The following IL1RAPL1 variants were observed in gnomAD, a reference collection of about 807,000 sequenced individuals.
IL1RAPL1 encodes the protein interleukin 1 receptor accessory protein like 1.
A neutral mutation model predicts 48.4 loss-of-function variants in IL1RAPL1; 3 were observed. That is an observed-to-expected ratio of 0.06 (90% CI 0.03 to 0.16). The LOEUF is 0.16. IL1RAPL1 is among the 10% of genes least tolerant of loss of function. The pLI is 1.00. For synonymous variants in IL1RAPL1, 185 were observed against 187.7 expected (o/e 0.99, Z 0.12); for missense variants, 349 against 530.6 (o/e 0.66, Z 3.36).
In IL1RAPL1 at chrX:28,773,183, C is replaced by A. The variant is rs144955757; in HGVS notation, c.-24-16137C>A. On this transcript the variant is annotated intron_variant, in intron 1 of 10. Coordinates refer to ENST00000378993, the MANE Select transcript of IL1RAPL1 (RefSeq NM_014271.4). ...CGAACTCCTGGGCTCAAGATATCCA[C>A]CCACTTCAACCTTCCTAGTAGTTGG... Among the ~76,000 whole-genome samples, 367 of 110,971 alleles carry A rather than the reference C, an allele frequency of 3.3e-3. 3 individuals are homozygous for A. The highest frequency in any genetic ancestry group is 0.011 in the African/African-American group (341 of 30,444).
chrX:29,431,835 TATC>T (rs964155526), intron 5 of IL1RAPL1, among the ~76,000 whole-genome samples: 12 of 111,435 alleles, frequency 1.1e-4, no homozygotes, highest in Admixed American at 6.7e-4. Context: ...CACAGCAAAT[TATC>T]ATTAGTGGGA....
chrX:28,835,668 T>C (rs1463354962), intron 2 of IL1RAPL1, among the ~76,000 whole-genome samples: 1 of 111,602 alleles, frequency 9.0e-6, no homozygotes, highest in Non-Finnish European at 1.9e-5. Flanking sequence ...ATTGAACATA[T>C]AGGCTGAAAT....
intron 2 of IL1RAPL1, among the ~76,000 whole-genome samples, chrX:29,009,156 T>C (rs991128727): frequency 2.7e-5 from 3 of 111,734 alleles, no homozygotes; most frequent in African/African-American, 6.5e-5. Flanking sequence ...TGGGTACACA[T>C]AGACAAAAAG....
intron 3 of IL1RAPL1, among the ~76,000 whole-genome samples, chrX:29,313,280 TGTGTGTGC>T (rs1322171017): frequency 1.1e-4 from 9 of 82,467 alleles, no homozygotes; most frequent in Non-Finnish European, 1.8e-4. Context: ...TGTGTGTGTG[TGTGTGTGC>T]GCGCGCACAT....
At chrX:29,258,545 A>G (rs978490660) in intron 2 of IL1RAPL1, among the ~76,000 whole-genome samples, 1 of 111,283 alleles carries the variant, frequency 9.0e-6, no homozygotes, top group African/African-American at 3.3e-5. Flanking sequence ...ATCAGGGATC[A>G]CTACAAGATT....
intron 5 of IL1RAPL1, among the ~76,000 whole-genome samples, chrX:29,442,281 A>G (rs1373226057): frequency 9.0e-6 from 1 of 110,845 alleles, no homozygotes; most frequent in East Asian, 2.9e-4. Context: ...CTGATCTTCA[A>G]CAAAGCAAAC....
At chrX:29,190,673 A>G (rs920268099) in intron 2 of IL1RAPL1, among the ~76,000 whole-genome samples, 6 of 112,395 alleles carry the variant, frequency 5.3e-5, no homozygotes, top group Non-Finnish European at 1.1e-4. Context: ...GTGTTGAACC[A>G]TAATTATGAA....
intron 2 of IL1RAPL1, among the ~76,000 whole-genome samples, chrX:29,150,240 A>G (rs899413726): frequency 2.7e-5 from 3 of 111,932 alleles, no homozygotes; most frequent in African/African-American, 9.7e-5. Context: ...AGTTTAAGGA[A>G]TTTTCATTCT....
intron 1 of IL1RAPL1, among the ~76,000 whole-genome samples, chrX:28,690,161 T>G (rs1301765451): frequency 1.8e-5 from 2 of 111,679 alleles, no homozygotes; most frequent in Non-Finnish European, 3.8e-5. Flanking sequence ...CTTTCAGCCT[T>G]GGGCAGTATC....
intron 2 of IL1RAPL1, among the ~76,000 whole-genome samples, chrX:29,142,488 A>G (rs1929263593): frequency 8.9e-6 from 1 of 111,982 alleles, no homozygotes; most frequent in African/African-American, 3.2e-5. Flanking sequence ...ATCAGAAAAG[A>G]ACCCTAGTGG....
At chrX:29,479,503 C>T (rs762132196) in intron 5 of IL1RAPL1, among the ~76,000 whole-genome samples, 3 of 107,959 alleles carry the variant, frequency 2.8e-5, no homozygotes, top group African/African-American at 1.0e-4. Flanking sequence ...TTATTTGACA[C>T]TACCTATAGC....
chrX:29,383,558 TA>T (rs1258259782), intron 3 of IL1RAPL1, among the ~76,000 whole-genome samples: 3 of 112,170 alleles, frequency 2.7e-5, no homozygotes, highest in Non-Finnish European at 5.6e-5. Flanking sequence ...TTTATGTTTA[TA>T]AAAAAATACA....
At chrX:29,720,520 G>A (rs771258367) in intron 6 of IL1RAPL1, among the ~76,000 whole-genome samples, 12 of 111,017 alleles carry the variant, frequency 1.1e-4, no homozygotes, top group African/African-American at 2.0e-4. Flanking sequence ...CCCAAACACC[G>A]CATGTTCTCA....
chrX:29,593,447 C>T (rs762712467), intron 5 of IL1RAPL1, among the ~76,000 whole-genome samples: 1 of 112,014 alleles, frequency 8.9e-6, no homozygotes, highest in African/African-American at 3.2e-5. Context: ...TAGAGTACAT[C>T]ACTCTAGGTT....
intron 3 of IL1RAPL1, among the ~76,000 whole-genome samples, chrX:29,371,838 C>T (rs962430557): frequency 2.7e-5 from 3 of 112,146 alleles, no homozygotes; most frequent in Non-Finnish European, 5.6e-5. Context: ...ATCCAATCCA[C>T]CATTGATGGG....
In IL1RAPL1 at chrX:28,615,212, T is replaced by TG. The variant is rs1569138782; in HGVS notation, c.-25+27165_-25+27166insG. 4.2e-4 allele frequency among the ~76,000 whole-genome samples: 30 copies of TG among 72,063 alleles called. 1 individual carries two copies. Among genetic ancestry groups the TG allele is most frequent in the Admixed American group, 3.8e-3 (22 of 5,817 alleles). The allele number at this position is 72,063 out of a possible 115,157, so 62.6% of individuals were successfully genotyped here. A position where few individuals can be genotyped will look rare whatever the true frequency, so the allele number is the denominator to read the frequency against. ...CAACTGTTGTCTGTTTTTTTTTTTT[T>TG]TTTTTTTTTTTTTTTTTTTTTTACC... On this transcript the variant is annotated intron_variant, in intron 1 of 10. Transcript: ENST00000378993.
intron 3 of IL1RAPL1, among the ~76,000 whole-genome samples, chrX:29,288,883 G>T (rs1029971150): frequency 9.0e-6 from 1 of 111,545 alleles, no homozygotes; most frequent in African/African-American, 3.3e-5. Context: ...ACCTCATTGT[G>T]GTTTTGATTT....
At chrX:28,866,123 G>T (rs979885279) in intron 2 of IL1RAPL1, among the ~76,000 whole-genome samples, 6 of 111,833 alleles carry the variant, frequency 5.4e-5, no homozygotes, top group African/African-American at 2.0e-4. Flanking sequence ...TTGCTAATAG[G>T]AATGTTCCAA....
At chrX:29,599,536 G>A (rs1243651989) in intron 5 of IL1RAPL1, among the ~76,000 whole-genome samples, 2 of 111,864 alleles carry the variant, frequency 1.8e-5, no homozygotes, top group Non-Finnish European at 3.8e-5. Flanking sequence ...GGTGTTCTTT[G>A]AGCTTCTTGT....
Sources: gnomAD v4.1 joint callset for allele counts (sites outside exome capture counted in the v4.1 genomes callset) on GRCh38, gnomAD v4.1.1 for gene constraint, MANE v1.5 for transcripts, NCBI Gene and HGNC (gene_info 2026-07-23, HGNC 2026-07-21) for gene names.